KCNK2: variants seen among roughly 807,000 people sequenced by gnomAD.
The protein encoded by KCNK2 is potassium channel subfamily K member 2.
A neutral mutation model predicts 40.5 loss-of-function variants in KCNK2; 21 were observed. The ratio of observed to expected loss-of-function variants is 0.52; its 90% CI spans 0.37 to 0.75. The LOEUF is 0.75. KCNK2 is among the 30% of genes least tolerant of loss of function. The pLI is 0.00. For synonymous variants in KCNK2, 191 were observed against 202.2 expected, an observed-to-expected ratio of 0.94 and a Z score of 0.47; for missense variants, 399 against 531.6, an observed-to-expected ratio of 0.75 and a Z score of 2.45.
intron 6 of KCNK2, among the ~76,000 whole-genome samples, chr1:215,219,601 G>C (rs1666091809): frequency 6.6e-6 from 1 of 152,154 alleles, no homozygotes; most frequent in Non-Finnish European, 1.5e-5. Flanking sequence ...TTATTAACCA[G>C]ATGACAGAAG....
In KCNK2 at chr1:215,083,237, C is replaced by CCTT; in HGVS notation, c.-149_-148insCTT. The CCTT allele has an allele frequency of 6.2e-7, 1 of 1,600,600 alleles. No homozygotes were observed. Among genetic ancestry groups the CCTT allele is most frequent in the Non-Finnish European group, 8.5e-7 (1 of 1,172,054 alleles). On this transcript the variant is annotated 5_prime_UTR_variant, in exon 1 of 7. Coordinates refer to ENST00000444842, the MANE Select transcript of KCNK2 (RefSeq NM_001017425.3). ...CCGCGTCCAGCCCCGCTCTCCCCAC[C>CCTT]TTGTAAAACAAAGCCGGGGAAAATG... is the stretch of plus-strand genomic sequence containing the variant.
intron 6 of KCNK2, 135 bp from the exon 7 acceptor site, chr1:215,234,693 C>T: frequency 2.6e-6 from 2 of 763,660 alleles, no homozygotes; most frequent in Admixed American, 2.5e-5. Flanking sequence ...CATCAATTCT[C>T]AGACCACCAG....
chr1:215,128,767 G>A (rs562714084), intron 3 of KCNK2, among the ~76,000 whole-genome samples: 3 of 151,494 alleles, frequency 2.0e-5, no homozygotes, highest in Non-Finnish European at 4.4e-5. Context: ...AGAAAGGTAA[G>A]TGTTAGAGTA....
At chr1:215,025,798 A>G (rs1656981044) in intron 1 of KCNK2, among the ~76,000 whole-genome samples, 1 of 152,086 alleles carries the variant, frequency 6.6e-6, no homozygotes, top group African/African-American at 2.4e-5. Flanking sequence ...CACTACAAAG[A>G]ATGCTGCAAT....
chr1:215,018,806 G>T (rs1463393561), intron 1 of KCNK2, among the ~76,000 whole-genome samples: 4 of 152,094 alleles, frequency 2.6e-5, no homozygotes, highest in Non-Finnish European at 5.9e-5. Flanking sequence ...AAAGTTTCCT[G>T]CAAGTAAGAG....
intron 6 of KCNK2, among the ~76,000 whole-genome samples, chr1:215,229,967 G>C (rs2102710441): frequency 6.6e-6 from 1 of 150,376 alleles, no homozygotes; most frequent in East Asian, 2.0e-4. Context: ...ATTAATAATT[G>C]TATAGCCCTT....
chr1:215,158,838 A>C (rs1414589703), intron 3 of KCNK2, among the ~76,000 whole-genome samples: 1 of 152,194 alleles, frequency 6.6e-6, no homozygotes, highest in African/African-American at 2.4e-5. Context: ...GGATCTTAGC[A>C]GGACTCTGAG....
chr1:215,069,118 G>C (rs908053964), intron 1 of KCNK2, among the ~76,000 whole-genome samples: 1 of 152,188 alleles, frequency 6.6e-6, no homozygotes, highest in African/African-American at 2.4e-5. Context: ...TATGTCCATT[G>C]TAAAGAAGGT....
chr1:215,021,804 T>C (rs1656805494), intron 1 of KCNK2, among the ~76,000 whole-genome samples: 1 of 152,076 alleles, frequency 6.6e-6, no homozygotes, highest in Non-Finnish European at 1.5e-5. Flanking sequence ...CGCCTCGGCC[T>C]CCCACGCCTG....
In KCNK2 at chr1:215,124,770, TG is replaced by T; in HGVS notation, c.475+21del. 7.0e-7 allele frequency: 1 copy of T among 1,432,982 alleles called. No homozygotes were observed. Among genetic ancestry groups the T allele is most frequent in the East Asian group, 2.3e-5 (1 of 43,942 alleles). The allele number at this position is 1,432,982 out of a possible 1,614,324, so 88.8% of individuals were successfully genotyped here. A position where few individuals can be genotyped will look rare whatever the true frequency, so the allele number is the denominator to read the frequency against. ...CCATAGGTAGGAGACAACTTATTTT[TG>T]TTTTTTGTTTTGATACCGTTTGTGA... On this transcript the variant is annotated intron_variant, in intron 3 of 6. Coordinates refer to ENST00000444842, the MANE Select transcript of KCNK2 (RefSeq NM_001017425.3).
intron 5 of KCNK2, among the ~76,000 whole-genome samples, chr1:215,190,511 T>C (rs747644199): frequency 2.0e-5 from 3 of 152,298 alleles, no homozygotes; most frequent in East Asian, 1.9e-4. Flanking sequence ...TGTTAAACTC[T>C]AGCTCTGCTA....
At chr1:215,213,861 G>T (rs1476493769) in intron 6 of KCNK2, among the ~76,000 whole-genome samples, 1 of 152,024 alleles carries the variant, frequency 6.6e-6, no homozygotes, top group Non-Finnish European at 1.5e-5. Flanking sequence ...TAAGTAAAAA[G>T]TGTTGTCTCA....
chr1:215,116,976 A>G (rs1660973644), intron 2 of KCNK2, among the ~76,000 whole-genome samples: 2 of 152,010 alleles, frequency 1.3e-5, no homozygotes, highest in South Asian at 4.1e-4. Context: ...ACATGAAATC[A>G]AATATATATT....
chr1:215,125,233 C>T lies in KCNK2; in HGVS notation c.475+483C>T, dbSNP rs573706580. ...TACTTCAGGGCTTTTTTTTTATATA[C>T]ATTATATTTTGCCCGTAGCACATAT... is the stretch of plus-strand genomic sequence containing the variant. On this transcript the variant is annotated intron_variant, in intron 3 of 6. Coordinates refer to ENST00000444842, the MANE Select transcript of KCNK2 (RefSeq NM_001017425.3). Among the ~76,000 whole-genome samples the T allele has an allele frequency of 7.2e-4, 110 of 151,954 alleles. 1 individual carries two copies. The highest frequency in any genetic ancestry group is 3.3e-3 in the South Asian group (16 of 4,812).
chr1:215,084,578 A>T (rs1659346716), intron 1 of KCNK2, among the ~76,000 whole-genome samples: 1 of 152,236 alleles, frequency 6.6e-6, no homozygotes, highest in South Asian at 2.1e-4. Flanking sequence ...TTTAGCTATT[A>T]TCAGCACTTC....
intron 1 of KCNK2, among the ~76,000 whole-genome samples, chr1:215,046,074 T>C (rs1008353760): frequency 3.0e-4 from 45 of 152,298 alleles, no homozygotes; most frequent in African/African-American, 1.1e-3. Context: ...TTGTTCACAA[T>C]ACGGGAGTGA....
chr1:215,184,439 C>T (rs929339614), intron 5 of KCNK2, among the ~76,000 whole-genome samples: 6 of 151,998 alleles, frequency 3.9e-5, no homozygotes, highest in African/African-American at 1.2e-4. Context: ...GGCCTGATGT[C>T]GTATTGTATG....
At chr1:215,081,155 G>A (rs1571889581), upstream of KCNK2, among the ~76,000 whole-genome samples, 1 of 119,488 alleles carries the variant, frequency 8.4e-6, no homozygotes, top group Admixed American at 9.6e-5. Flanking sequence ...CCCCACACAC[G>A]TACACGCAAA....
chr1:215,198,147 GT>G (rs1664943615), intron 6 of KCNK2, among the ~76,000 whole-genome samples: 1 of 152,078 alleles, frequency 6.6e-6, no homozygotes, highest in Admixed American at 6.6e-5. Context: ...TTTTGGTTTT[GT>G]TTTTTGTTTT....
Sources: allele counts gnomAD v4.1 joint callset (sites outside exome capture counted in the v4.1 genomes callset), GRCh38; gene constraint gnomAD v4.1.1; transcripts MANE v1.5; gene names NCBI Gene and HGNC (gene_info 2026-07-23, HGNC 2026-07-21).